The following IL12RB1 variants were observed in gnomAD, a reference collection of about 807,000 sequenced individuals.
The protein encoded by IL12RB1 is interleukin 12 receptor subunit beta 1.
A neutral mutation model predicts 94.4 loss-of-function variants in IL12RB1; 64 were observed. The observed-to-expected ratio is 0.68, with a 90% CI of 0.55 to 0.83. IL12RB1 has a LOEUF of 0.83. Ranked by LOEUF, IL12RB1 falls within the 40% of genes least tolerant of loss-of-function variation. The probability of loss-of-function intolerance (pLI) is 0.00; values close to 1 mark genes in which losing one functional copy is unlikely to be tolerated. For synonymous variants in IL12RB1, 362 were observed against 355.5 expected, an observed-to-expected ratio of 1.02 and a Z score of -0.21; for missense variants, 814 against 855.6, an observed-to-expected ratio of 0.95 and a Z score of 0.61.
intron 4 of IL12RB1, among the ~76,000 whole-genome samples, chr19:18,080,260 G>A (rs985680786): frequency 1.3e-5 from 2 of 151,810 alleles, no homozygotes; most frequent in African/African-American, 4.8e-5. Flanking sequence ...TTGTTTTTTA[G>A]ATGGAGTCCT....
intron 13 of IL12RB1, among the ~76,000 whole-genome samples, chr19:18,062,806 G>A (rs944416735): frequency 6.6e-6 from 1 of 151,970 alleles, no homozygotes; most frequent in Non-Finnish European, 1.5e-5. Context: ...AATTCCAGGA[G>A]CCTGCACATA....
rs138733037 is a variant in IL12RB1 at position 18,061,075 on chromosome 19, C to T, written c.1791+47G>A. ...GAGCTAATGCGTAACCCTTGTCCAG[C>T]ATGTGCACCCAATAAAAAGACTTGG... On this transcript the variant is annotated intron_variant, in intron 15 of 16. Coordinates refer to ENST00000593993, the MANE Select transcript of IL12RB1 (RefSeq NM_005535.3). The T allele has an allele frequency of 6.7e-4, 648 of 962,724 alleles. 4 individuals are homozygous for T. The African/African-American group carries it at 9.1e-3, about 14-fold the overall frequency. 59.6% of individuals were successfully genotyped at this position (962,724 alleles called of 1,614,324 possible). A position where few individuals can be genotyped will look rare whatever the true frequency, so the allele number is the denominator to read the frequency against.
At chr19:18,072,023 G>T in intron 9 of IL12RB1, 89 bp downstream of exon 9, 1 of 926,926 alleles carries the variant, frequency 1.1e-6, no homozygotes, top group Non-Finnish European at 1.8e-6. Flanking sequence ...TTTCTGCCTC[G>T]CTCCTCTCAC....
At chr19:18,072,370 A>G in intron 8 of IL12RB1, 21 bp from the exon 9 acceptor site, 3 of 1,493,772 alleles carry the variant, frequency 2.0e-6, no homozygotes, top group Non-Finnish European at 2.8e-6. Flanking sequence ...TATGAAAGAC[A>G]GCTTGTGGGT....
chr19:18,085,816 C>A (rs2036288968), intron 1 of IL12RB1, among the ~76,000 whole-genome samples: 1 of 151,940 alleles, frequency 6.6e-6, no homozygotes, highest in Admixed American at 6.6e-5. Flanking sequence ...ACCATGTTAG[C>A]CAGGCTGGTC....
chr19:18,066,424 G>T, intron 12 of IL12RB1, 118 bp downstream of exon 12: 2 of 711,260 alleles, frequency 2.8e-6, no homozygotes, highest in African/African-American at 1.7e-5. Flanking sequence ...TTGTTTTAAG[G>T]GTTTGATAAC....
intron 1 of IL12RB1, among the ~76,000 whole-genome samples, chr19:18,086,482 A>G (rs2036350929): frequency 6.6e-6 from 1 of 152,118 alleles, no homozygotes; most frequent in Non-Finnish European, 1.5e-5. Flanking sequence ...CCTATTAGAT[A>G]CATACTTGCT....
intron 5 of IL12RB1, among the ~76,000 whole-genome samples, chr19:18,077,220 T>C (rs1186925512): frequency 6.6e-6 from 1 of 151,758 alleles, no homozygotes; most frequent in Non-Finnish European, 1.5e-5. Flanking sequence ...TAGCTGCGTG[T>C]GGTAGTGGGC....
At chr19:18,070,303 G>A (rs953798832) in intron 9 of IL12RB1, among the ~76,000 whole-genome samples, 1 of 152,226 alleles carries the variant, frequency 6.6e-6, no homozygotes, top group African/African-American at 2.4e-5. Context: ...AGAGCTTCCT[G>A]TACTGCCATT....
chr19:18,076,164 G>A, intron 6 of IL12RB1, 133 bp downstream of exon 6: 1 of 715,848 alleles, frequency 1.4e-6, no homozygotes, highest in Non-Finnish European at 2.6e-6. Flanking sequence ...AATTTGGAAA[G>A]AATCCAATAC....
rs750175858 is a variant in IL12RB1, at chr19:18,072,360, T to C, written c.784-11A>G. On this transcript the variant is annotated splice_polypyrimidine_tract_variant and intron_variant, in intron 8 of 16. Coordinates refer to ENST00000593993, the MANE Select transcript of IL12RB1 (RefSeq NM_005535.3). ...CTCCAGCTGGGTTGGCTGTCAGGAGTATGAAAGACAGCTTGTGGGTACCTG... is the reference window on the plus strand; with the variant it reads ...CTCCAGCTGGGTTGGCTGTCAGGAGCATGAAAGACAGCTTGTGGGTACCTG... 1.3e-5 allele frequency: 20 copies of C among 1,575,628 alleles called. No homozygotes were observed. Among genetic ancestry groups the C allele is most frequent in the Non-Finnish European group, 1.2e-5 (14 of 1,145,398 alleles).
intron 4 of IL12RB1, among the ~76,000 whole-genome samples, chr19:18,077,930 T>C (rs1198694253): frequency 3.9e-5 from 6 of 152,024 alleles, no homozygotes; most frequent in African/African-American, 1.4e-4. Context: ...CTGGGCAACA[T>C]AGTGAGACCC....
chr19:18,063,895 C>T lies in IL12RB1; in HGVS notation c.1599G>A (p.Gln533=). 1 of 1,613,442 alleles carries T rather than the reference C, an allele frequency of 6.2e-7. No individual in the cohort carries two copies. Among genetic ancestry groups the T allele is most frequent in the Non-Finnish European group, 8.5e-7 (1 of 1,179,694 alleles). The part of the protein sequence containing the change: ...DTAWLRGVWS[Q]PQRFSIEVQV... Reference sequence around the variant, plus strand: ...ACTCACCGATGCTGAAGCGCTGGGGCTGGCTCCAGACACCCCTCAGCCACG... The same window carrying T: ...ACTCACCGATGCTGAAGCGCTGGGGTTGGCTCCAGACACCCCTCAGCCACG... The change falls in exon 13 of 17, where the codon CAG becomes CAA. Residue 533 remains glutamine (Q), a synonymous_variant. Coordinates refer to ENST00000593993, the MANE Select transcript of IL12RB1 (RefSeq NM_005535.3).
intron 2 of IL12RB1, 71 bp downstream of exon 2, chr19:18,083,361 G>T: frequency 7.0e-7 from 1 of 1,436,940 alleles, no homozygotes; most frequent in Non-Finnish European, 9.8e-7. Flanking sequence ...GGCCATGGGA[G>T]GGGCCGCTGT....
chr19:18,061,271 C>T lies in IL12RB1; in HGVS notation c.1716-74G>A, dbSNP rs138286388. On this transcript the variant is annotated intron_variant, in intron 14 of 16. Coordinates refer to ENST00000593993, the MANE Select transcript of IL12RB1 (RefSeq NM_005535.3). ...TTGGAGACGGAGTCTTGCTCTGTTG[C>T]CCAGGCTGGAGTGCAGTGGCGCGAT... The T allele has an allele frequency of 8.5e-3, 6,442 of 758,940 alleles. 244 individuals carry two copies. Among genetic ancestry groups the T allele is most frequent in the South Asian group, 0.076 (4,345 of 56,990 alleles). 47.0% of individuals were successfully genotyped at this position (758,940 alleles called of 1,614,324 possible).
chr19:18,087,366 C>T (rs2036415002), upstream of IL12RB1, among the ~76,000 whole-genome samples: 1 of 152,014 alleles, frequency 6.6e-6, no homozygotes, highest in African/African-American at 2.4e-5. Flanking sequence ...ACTGCCACAA[C>T]ATCGAGCTAA....
At chr19:18,060,638 T>C (rs531671833) in intron 15 of IL12RB1, among the ~76,000 whole-genome samples, 168 of 152,212 alleles carry the variant, frequency 1.1e-3, no homozygotes, top group Non-Finnish European at 1.9e-3. Context: ...GCAATGGTCA[T>C]GTGACCCTGG....
At chr19:18,090,615 C>A (rs1256661835), upstream of IL12RB1, 1 of 152,438 alleles carries the variant, frequency 6.6e-6, no homozygotes, top group Non-Finnish European at 1.5e-5. Flanking sequence ...CCCACCCGCA[C>A]CAAGGTTGGC....
At position 18,059,586 on chromosome 19, in the gene IL12RB1, C is replaced by T. The variant is rs1286621092; in HGVS notation, c.*22G>A. 1.3e-6 allele frequency: 1 copy of T among 780,310 alleles called. No individual in the cohort carries two copies. The highest frequency in any genetic ancestry group is 1.3e-5 in the South Asian group (1 of 74,506). 48.3% of individuals were successfully genotyped at this position (780,310 alleles called of 1,614,324 possible). A position where few individuals can be genotyped will look rare whatever the true frequency, so the allele number is the denominator to read the frequency against. ...GCTACGTAGCCTCGGGCGAGTCACTCACCCTCTCTGAGCCTCAACGATCAC... is the reference window on the plus strand; with the variant it reads ...GCTACGTAGCCTCGGGCGAGTCACTTACCCTCTCTGAGCCTCAACGATCAC... On this transcript the variant is annotated 3_prime_UTR_variant, in exon 17 of 17. Coordinates refer to ENST00000593993, the MANE Select transcript of IL12RB1 (RefSeq NM_005535.3).
Sources: gnomAD v4.1 joint callset for allele counts (sites outside exome capture counted in the v4.1 genomes callset) on GRCh38, gnomAD v4.1.1 for gene constraint, MANE v1.5 for transcripts, NCBI Gene and HGNC (gene_info 2026-07-23, HGNC 2026-07-21) for gene names.